The following EIF1AY variants were observed in gnomAD, a reference collection of about 807,000 sequenced individuals.
EIF1AY encodes the protein eukaryotic translation initiation factor 1A, Y-chromosomal.
For missense variants in EIF1AY, 19 were observed against 30.6 expected (o/e 0.62, Z 0.89); for synonymous variants, 16 against 9.9 (o/e 1.62, Z -1.16).
chrY:20,578,752 A>G (rs2089348499), intron 1 of EIF1AY, among the ~76,000 whole-genome samples: 1 of 33,187 alleles, frequency 3.0e-5, no homozygotes, highest in African/African-American at 1.2e-4. Flanking sequence ...CGATCCCTTA[A>G]TATTACTGTA....
chrY:20,576,041 C>T, intron 1 of EIF1AY, among the ~76,000 whole-genome samples, 154 bp downstream of exon 1: 1 of 33,400 alleles, frequency 3.0e-5, no homozygotes, highest in African/African-American at 1.2e-4. Flanking sequence ...CCTATTTGGT[C>T]ACATTGGGGT....
Position 20,592,569 on chromosome Y carries a change from A to G in EIF1AY, c.*223A>G. On this transcript the variant is annotated 3_prime_UTR_variant, in exon 7 of 7. Transcript: ENST00000361365. ...TTATTGTTTTGATGTAATGGAACTT[A>G]AGGATAAAAGACCATAATATTTGCT... The G allele has an allele frequency of 1.2e-5, 1 of 80,295 alleles. No individual in the cohort carries two copies. The highest frequency in any genetic ancestry group is 2.4e-5 in the Non-Finnish European group (1 of 42,417). The allele number at this position is 80,295 out of a possible 400,897, so 20.0% of individuals were successfully genotyped here. A position where few individuals can be genotyped will look rare whatever the true frequency, so the allele number is the denominator to read the frequency against.
chrY:20,583,109 G>A, intron 3 of EIF1AY, among the ~76,000 whole-genome samples: 1 of 33,388 alleles, frequency 3.0e-5, no homozygotes, highest in Non-Finnish European at 7.4e-5. Flanking sequence ...TAGGAAAATT[G>A]GAATATGGAA....
intron 4 of EIF1AY, chrY:20,587,131 T>C: frequency 3.0e-5 from 1 of 33,323 alleles, no homozygotes; most frequent in African/African-American, 1.2e-4. Flanking sequence ...AGAAGAACTT[T>C]TAAAAATATG....
At chrY:20,580,746 A>G in intron 2 of EIF1AY, among the ~76,000 whole-genome samples, 2 of 33,917 alleles carry the variant, frequency 5.9e-5, no homozygotes, top group Non-Finnish European at 1.5e-4. Flanking sequence ...ATACTTCAGC[A>G]TATGTCTCCC....
At chrY:20,575,909 A>G in intron 1 of EIF1AY, 22 bp downstream of exon 1, 1 of 378,919 alleles carries the variant, frequency 2.6e-6, no homozygotes, top group Non-Finnish European at 3.7e-6. Flanking sequence ...AGCCTCTGGG[A>G]CTATACCTCG....
rs2089360244 is a variant in EIF1AY, at chrY:20,593,078, ACT to A, written c.*733_*734del. 2.9e-5 allele frequency: 1 copy of A among 33,986 alleles called. No homozygotes were observed. The highest frequency in any genetic ancestry group is 6.3e-4 in the South Asian group (1 of 1,585). The allele number at this position is 33,986 out of a possible 400,897, so 8.5% of individuals were successfully genotyped here. ...TTTCAAAAGTTATTCATTGTAATCC[ACT>A]GTTTTGGCTTTCATGAACAAGTAAA... On this transcript the variant is annotated 3_prime_UTR_variant, in exon 7 of 7. Transcript: ENST00000361365.
chrY:20,576,057 A>G (rs2089346731), intron 1 of EIF1AY, among the ~76,000 whole-genome samples, 170 bp downstream of exon 1: 2 of 33,335 alleles, frequency 6.0e-5, no homozygotes, highest in Admixed American at 2.7e-4. Context: ...GGGGTGGGAC[A>G]GACGCCATTT....
chrY:20,576,644 A>G (rs2089346998), intron 1 of EIF1AY, among the ~76,000 whole-genome samples: 1 of 34,003 alleles, frequency 2.9e-5, no homozygotes, highest in Non-Finnish European at 7.3e-5. Flanking sequence ...TTGCTTGAAG[A>G]AAACTGTAGG....
At chrY:20,580,780 T>G (rs745500145) in intron 2 of EIF1AY, among the ~76,000 whole-genome samples, 1 of 34,118 alleles carries the variant, frequency 2.9e-5, no homozygotes, top group African/African-American at 1.1e-4. Context: ...TCTCCTTTAC[T>G]AACTACAAAC....
At position 20,575,777 on chromosome Y, in the gene EIF1AY, C is replaced by G. The variant is rs2089346430; in HGVS notation, c.-95C>G. The G allele has an allele frequency of 7.1e-6, 2 of 283,259 alleles. No homozygotes were observed. The highest frequency in any genetic ancestry group is 2.1e-4 in the East Asian group (2 of 9,429). The allele number at this position is 283,259 out of a possible 400,897, so 70.7% of individuals were successfully genotyped here. On this transcript the variant is annotated 5_prime_UTR_variant, in exon 1 of 7. Transcript: ENST00000361365. ...AGAGCTCTGTAGCCAGCCTCTTCTG[C>G]GCACCCACCTGCTGCATCTTAGTTC... is the stretch of plus-strand genomic sequence containing the variant.
intron 4 of EIF1AY, chrY:20,587,413 T>G (rs533481324): frequency 3.1e-5 from 1 of 32,512 alleles, no homozygotes; most frequent in Non-Finnish European, 7.5e-5. Flanking sequence ...CTCAGCCTCC[T>G]GAGTAGCTGG....
At chrY:20,580,720 C>T (rs2089350018) in intron 2 of EIF1AY, among the ~76,000 whole-genome samples, 1 of 33,600 alleles carries the variant, frequency 3.0e-5, no homozygotes, top group African/African-American at 1.2e-4. Flanking sequence ...CATGAATTTA[C>T]AGACTTTAGC....
intron 1 of EIF1AY, among the ~76,000 whole-genome samples, chrY:20,576,390 T>G: frequency 3.0e-5 from 1 of 33,577 alleles, no homozygotes; most frequent in Non-Finnish European, 7.4e-5. Context: ...TTGCAGAAGA[T>G]TTGTTACCTA....
At chrY:20,583,362 G>A (rs2089352414) in intron 3 of EIF1AY, among the ~76,000 whole-genome samples, 1 of 29,560 alleles carries the variant, frequency 3.4e-5, no homozygotes, top group South Asian at 8.0e-4. Context: ...GTGATAGAGC[G>A]AATCTCTATC....
At chrY:20,590,734 G>T (rs13447358) in intron 6 of EIF1AY, among the ~76,000 whole-genome samples, 1 of 33,472 alleles carries the variant, frequency 3.0e-5, no homozygotes, top group East Asian at 7.8e-4. Context: ...CTACATCAGG[G>T]TTCTCTACAG....
At chrY:20,579,562 T>C in intron 1 of EIF1AY, 46 bp from the exon 2 acceptor site, 2 of 256,376 alleles carry the variant, frequency 7.8e-6, no homozygotes, top group Non-Finnish European at 1.2e-5. Flanking sequence ...TATGATATTA[T>C]GTAGATTTTT....
chrY:20,583,203 T>A (rs2089352169), intron 3 of EIF1AY, among the ~76,000 whole-genome samples: 1 of 32,751 alleles, frequency 3.1e-5, no homozygotes, highest in Non-Finnish European at 7.5e-5. Context: ...CTACTCAGAT[T>A]TTTAATTAAA....
Position 20,588,081 on chromosome Y carries a change from G to A in EIF1AY, c.313G>A (p.Ala105Thr), listed in dbSNP as rs777390802. Residue 105 changes from alanine (A) to threonine (T), a missense_variant, in exon 5 of 7, where the codon GCA (alanine) becomes ACA (threonine). Coordinates refer to ENST00000361365, the MANE Select transcript of EIF1AY (RefSeq NM_004681.4). ...TGCAGATGAAGCTAGAAGCCTGAAG[G>A]CATATGGCGAGCTTCCAGAACATGG... ...YNADEARSLKAYGELPEHAKI... is the reference protein window; with the variant it reads ...YNADEARSLKTYGELPEHAKI... 2 of 386,088 alleles carry A rather than the reference G, an allele frequency of 5.2e-6. No individual in the cohort carries two copies. Among genetic ancestry groups the A allele is most frequent in the African/African-American group, 1.3e-4 (2 of 15,545 alleles).
Sources: gnomAD v4.1 joint callset for allele counts (sites outside exome capture counted in the v4.1 genomes callset) on GRCh38, gnomAD v4.1.1 for gene constraint, MANE v1.5 for transcripts, NCBI Gene and HGNC (gene_info 2026-07-23, HGNC 2026-07-21) for gene names.